Variants in RNF150 observed in about 807,000 individuals in gnomAD.
The protein encoded by RNF150 is ring finger protein 150.
Under a neutral mutation model 39.3 loss-of-function variants are expected in RNF150, and 24 were observed. The ratio of observed to expected loss-of-function variants is 0.61; its 90% CI spans 0.44 to 0.86. RNF150 has a LOEUF of 0.86. Among genes scored for constraint, RNF150 ranks in the 40% least tolerant of loss-of-function variants. The pLI, the probability that RNF150 is intolerant of heterozygous loss-of-function variation, is 0.00. For missense variants in RNF150, 502 were observed against 587.8 expected, an observed-to-expected ratio of 0.85 and a Z score of 1.51; for synonymous variants, 255 against 227.3, an observed-to-expected ratio of 1.12 and a Z score of -1.10.
chr4:140,926,702 A>AGCT lies in RNF150; in HGVS notation c.891-632_891-630dup, dbSNP rs749767217. 2.0e-5 allele frequency among the ~76,000 whole-genome samples: 3 copies of AGCT among 152,320 alleles called. No individual in the cohort carries two copies. In the East Asian group the frequency reaches 5.8e-4, roughly 29 times the overall value. On this transcript the variant is annotated intron_variant, in intron 4 of 6. Coordinates refer to ENST00000515673, the MANE Select transcript of RNF150 (RefSeq NM_020724.2). ...TCATTCCCATGTGCCAATCATTACTAGCTTTTATCTTCGTGGCAGAAGGGG... is the reference window on the plus strand; with the variant it reads ...TCATTCCCATGTGCCAATCATTACTAGCTGCTTTTATCTTCGTGGCAGAAGGGG...
At chr4:140,887,156 T>C (rs28447508) in intron 6 of RNF150, among the ~76,000 whole-genome samples, 4,650 of 152,276 alleles carry the variant, frequency 0.031, 167 homozygotes, top group African/African-American at 0.089. Flanking sequence ...AATGCCAGGC[T>C]AAATTACCAC....
intron 1 of RNF150, among the ~76,000 whole-genome samples, chr4:141,189,418 T>C (rs149530374): frequency 0.013 from 1,907 of 152,216 alleles, 48 homozygotes; most frequent in African/African-American, 0.042. Context: ...TAGCAGAGCT[T>C]GAGCACTGTG....
At chr4:141,098,370 G>A (rs1327725388) in intron 1 of RNF150, among the ~76,000 whole-genome samples, 1 of 152,190 alleles carries the variant, frequency 6.6e-6, no homozygotes, top group Non-Finnish European at 1.5e-5. Context: ...ACATCCCTGG[G>A]ACAGTCCTGG....
At chr4:141,163,662 A>G (rs754084047) in intron 1 of RNF150, among the ~76,000 whole-genome samples, 1 of 152,204 alleles carries the variant, frequency 6.6e-6, no homozygotes, top group Non-Finnish European at 1.5e-5. Context: ...CCAGGCAAGC[A>G]TGGTCTAGAG....
At chr4:141,167,267 T>C (rs1334740642) in intron 1 of RNF150, among the ~76,000 whole-genome samples, 4 of 151,402 alleles carry the variant, frequency 2.6e-5, no homozygotes, top group Non-Finnish European at 5.9e-5. Context: ...CAAGGAAAAC[T>C]ACAAACCACT....
chr4:140,881,892 AG>A (rs1243952794), intron 6 of RNF150, among the ~76,000 whole-genome samples: 14 of 151,540 alleles, frequency 9.2e-5, no homozygotes, highest in South Asian at 2.1e-4. Context: ...TTAAAAAAAG[AG>A]GATGTTGTTT....
At chr4:140,957,430 G>C (rs1732806588) in intron 2 of RNF150, among the ~76,000 whole-genome samples, 1 of 152,108 alleles carries the variant, frequency 6.6e-6, no homozygotes, top group African/African-American at 2.4e-5. Flanking sequence ...TGGAGAAATA[G>C]GAACACTTCT....
rs939809087 is a variant in RNF150, at chr4:140,863,704, G to T, written c.*4557C>A. 10 of 152,146 alleles carry T rather than the reference G, an allele frequency of 6.6e-5. No individual in the cohort carries two copies. The highest frequency in any genetic ancestry group is 2.2e-4 in the African/African-American group (9 of 41,424). The allele number at this position is 152,146 out of a possible 1,614,324, so 9.4% of individuals were successfully genotyped here. On this transcript the variant is annotated 3_prime_UTR_variant, in exon 7 of 7. Transcript: ENST00000515673. ...AACAGATACAGACAGAAAAGGAAAA[G>T]AAACTTAGAGAAGATATAAAAATGC...
intron 1 of RNF150, among the ~76,000 whole-genome samples, chr4:141,013,115 C>T (rs998548707): frequency 1.3e-5 from 2 of 151,984 alleles, no homozygotes; most frequent in African/African-American, 2.4e-5. Flanking sequence ...ATGTTTTTTA[C>T]AAAAAGTTGT....
chr4:141,210,653 TAA>T (rs927309695), intron 1 of RNF150, among the ~76,000 whole-genome samples: 4 of 152,190 alleles, frequency 2.6e-5, no homozygotes, highest in Non-Finnish European at 4.4e-5. Context: ...TTGTTTTTTT[TAA>T]AGTCACCCTT....
chr4:141,003,471 T>C (rs560351186), intron 1 of RNF150, among the ~76,000 whole-genome samples: 2 of 152,216 alleles, frequency 1.3e-5, no homozygotes, highest in South Asian at 4.1e-4. Context: ...AAATGGCTTC[T>C]ACTTTCTTGC....
At chr4:141,003,983 G>A (rs952326890) in intron 1 of RNF150, among the ~76,000 whole-genome samples, 4 of 152,102 alleles carry the variant, frequency 2.6e-5, no homozygotes, top group Admixed American at 6.5e-5. Context: ...AAGGATTGGG[G>A]TTAGGAAGTT....
In RNF150 at chr4:140,868,232, A is replaced by G. The variant is rs764941818; in HGVS notation, c.*29T>C. 1.2e-5 allele frequency: 15 copies of G among 1,276,798 alleles called. No individual in the cohort carries two copies. Among genetic ancestry groups the G allele is most frequent in the Middle Eastern group, 1.8e-4 (1 of 5,414 alleles). The allele number at this position is 1,276,798 out of a possible 1,614,324, so 79.1% of individuals were successfully genotyped here. On this transcript the variant is annotated 3_prime_UTR_variant, in exon 7 of 7. Transcript: ENST00000515673. ...CTTCCCTTCCTTTCCCTTGGGTCCT[A>G]CTATCTCTTTGCTTCTGGATTTGTC...
At chr4:141,088,418 A>C (rs1210486330) in intron 1 of RNF150, among the ~76,000 whole-genome samples, 1 of 152,162 alleles carries the variant, frequency 6.6e-6, no homozygotes, top group African/African-American at 2.4e-5. Context: ...AAGAACCTGA[A>C]CCTGTTTGTG....
intron 6 of RNF150, among the ~76,000 whole-genome samples, chr4:140,879,650 A>T (rs1302702126): frequency 6.7e-6 from 1 of 149,924 alleles, no homozygotes; most frequent in Non-Finnish European, 1.5e-5. Context: ...TAGCAAGATC[A>T]TGTCTCTACA....
chr4:140,976,902 A>C (rs1057398369), intron 1 of RNF150, among the ~76,000 whole-genome samples: 1 of 151,968 alleles, frequency 6.6e-6, no homozygotes, highest in Admixed American at 6.6e-5. Flanking sequence ...TCAGTTGAAC[A>C]CCTGCTATCA....
intron 1 of RNF150, among the ~76,000 whole-genome samples, chr4:141,107,779 A>C (rs563340378): frequency 5.3e-5 from 8 of 152,162 alleles, no homozygotes; most frequent in African/African-American, 1.2e-4. Flanking sequence ...AACCATTTTA[A>C]CTAGCTATTA....
At chr4:140,982,243 T>C (rs1302722968) in intron 1 of RNF150, among the ~76,000 whole-genome samples, 1 of 152,130 alleles carries the variant, frequency 6.6e-6, no homozygotes, top group East Asian at 1.9e-4. Context: ...TCACGACATA[T>C]GAAACCCTTC....
intron 6 of RNF150, among the ~76,000 whole-genome samples, chr4:140,880,226 A>T (rs1027834064): frequency 3.6e-4 from 55 of 152,182 alleles, no homozygotes; most frequent in African/African-American, 1.3e-3. Flanking sequence ...ATTTTTTCAA[A>T]TGCATTTTCT....
Sources: allele counts gnomAD v4.1 joint callset (sites outside exome capture counted in the v4.1 genomes callset), GRCh38; gene constraint gnomAD v4.1.1; transcripts MANE v1.5; gene names NCBI Gene and HGNC (gene_info 2026-07-23, HGNC 2026-07-21).